TREML2: variants seen among roughly 807,000 people sequenced by gnomAD.
The protein encoded by TREML2 is triggering receptor expressed on myeloid cells like 2.
A neutral mutation model predicts 25.9 loss-of-function variants in TREML2; 24 were observed. That is an observed-to-expected ratio of 0.93 (90% CI 0.67 to 1.30). The LOEUF (loss-of-function observed/expected upper bound fraction) is 1.30, where lower values mean the gene tolerates loss of function less well. TREML2 is among the 50% of genes most tolerant of loss of function. The pLI is 0.00. For missense variants in TREML2, 359 were observed against 395.6 expected, an observed-to-expected ratio of 0.91 and a Z score of 0.78; for synonymous variants, 139 against 155.2, an observed-to-expected ratio of 0.90 and a Z score of 0.77.
At position 41,190,062 on chromosome 6, in the gene TREML2, G is replaced by T. The variant is rs998403160; in HGVS notation, c.*2365C>A. The stretch of plus-strand genomic sequence containing the variant: ...CACCTGTGTAGTCTGTCTTATCTAT[G>T]AGGCTGTGGGCATGTCTTAGGCAAG... On this transcript the variant is annotated 3_prime_UTR_variant, in exon 5 of 5. Transcript: ENST00000483722. 2.0e-5 allele frequency among the ~76,000 whole-genome samples: 3 copies of T among 152,124 alleles called. No individual in the cohort carries two copies. Among genetic ancestry groups the T allele is most frequent in the African/African-American group, 7.2e-5 (3 of 41,406 alleles).
Position 41,198,266 on chromosome 6 carries a change from T to C in TREML2, c.219A>G (p.Lys73=). 6.2e-7 allele frequency: 1 copy of C among 1,614,198 alleles called. No individual in the cohort carries two copies. Among genetic ancestry groups the C allele is most frequent in the Non-Finnish European group, 8.5e-7 (1 of 1,180,036 alleles). The change falls in exon 2 of 5, where the codon AAA becomes AAG. Residue 73 remains lysine, a synonymous_variant. Coordinates refer to ENST00000483722, the MANE Select transcript of TREML2 (RefSeq NM_024807.4). The part of the protein sequence containing the change: ...CEPGFARVWV[K]GPRYLLQDDA... The stretch of plus-strand genomic sequence containing the variant: ...CGTCCTGCAGCAAGTAGCGGGGCCC[T>C]TTCACCCAGACTCGGGCAAAGCCAG...
intron 1 of TREML2, among the ~76,000 whole-genome samples, chr6:41,200,165 C>T (rs1766250582): frequency 6.6e-6 from 1 of 152,172 alleles, no homozygotes; most frequent in African/African-American, 2.4e-5. Flanking sequence ...TCTAAGCATC[C>T]CTCTGTCCCT....
In TREML2 at chr6:41,194,843, A is replaced by G; in HGVS notation, c.377-10T>C. ...CTCTCAGTTTGGGGAGCTGAAAGAC[A>G]GAAAGGGAGGAACGTTAGATTGACT... On this transcript the variant is annotated splice_polypyrimidine_tract_variant and intron_variant, in intron 2 of 4. Transcript: ENST00000483722. 1.3e-6 allele frequency: 2 copies of G among 1,548,746 alleles called. No homozygotes were observed. Among genetic ancestry groups the G allele is most frequent in the Non-Finnish European group, 1.7e-6 (2 of 1,144,700 alleles).
intron 3 of TREML2, 97 bp from the exon 4 acceptor site, chr6:41,192,998 G>T (rs528947619): frequency 4.0e-6 from 4 of 997,128 alleles, no homozygotes; most frequent in Admixed American, 3.1e-5. Context: ...CTGAGAGCGT[G>T]CCCTTCCCGG....
chr6:41,193,497 G>T (rs574179900), intron 3 of TREML2, among the ~76,000 whole-genome samples: 1 of 151,970 alleles, frequency 6.6e-6, no homozygotes, highest in Non-Finnish European at 1.5e-5. Flanking sequence ...GACTCTCCCC[G>T]TTGGGATTAG....
Position 41,201,032 on chromosome 6 carries a change from C to T in TREML2, c.-24G>A. 6.2e-7 allele frequency: 1 copy of T among 1,611,632 alleles called. No individual in the cohort carries two copies. Among genetic ancestry groups the T allele is most frequent in the Non-Finnish European group, 8.5e-7 (1 of 1,178,718 alleles). Reference sequence around the variant, plus strand: ...ATGGTTCCATCCAGCTGGGCAGTGTCAGGCCTGGAGATCCAAGGTGAGGGC... The same window carrying T: ...ATGGTTCCATCCAGCTGGGCAGTGTTAGGCCTGGAGATCCAAGGTGAGGGC... On this transcript the variant is annotated 5_prime_UTR_variant, in exon 1 of 5. The change abolishes the stop of an existing upstream ORF in the 5' untranslated region. Coordinates refer to ENST00000483722, the MANE Select transcript of TREML2 (RefSeq NM_024807.4).
chr6:41,194,841 A>G lies in TREML2; in HGVS notation c.377-8T>C, dbSNP rs1461261300. On this transcript the variant is annotated splice_polypyrimidine_tract_variant and splice_region_variant and intron_variant, in intron 2 of 4. Transcript: ENST00000483722. ...TCCTCTCAGTTTGGGGAGCTGAAAG[A>G]CAGAAAGGGAGGAACGTTAGATTGA... The G allele has an allele frequency of 2.6e-6, 4 of 1,549,202 alleles. No individual in the cohort carries two copies. Among genetic ancestry groups the G allele is most frequent in the Non-Finnish European group, 2.6e-6 (3 of 1,144,950 alleles).
At chr6:41,197,038 T>G (rs886570931) in intron 2 of TREML2, among the ~76,000 whole-genome samples, 1 of 152,234 alleles carries the variant, frequency 6.6e-6, no homozygotes, top group Admixed American at 6.5e-5. Flanking sequence ...TGATTCCTCC[T>G]TTTGGCTCAC....
chr6:41,194,047 G>C (rs961399171), intron 3 of TREML2, among the ~76,000 whole-genome samples: 2 of 118,644 alleles, frequency 1.7e-5, no homozygotes, highest in South Asian at 5.9e-4. Context: ...CACCAACTCC[G>C]CTCCCCACTG....
chr6:41,198,697 G>T (rs969488890), intron 1 of TREML2, among the ~76,000 whole-genome samples: 1 of 152,172 alleles, frequency 6.6e-6, no homozygotes, highest in Non-Finnish European at 1.5e-5. Context: ...GAGGAGGCAG[G>T]TATATCCCTC....
At chr6:41,193,092 A>G (rs893098575) in intron 3 of TREML2, among the ~76,000 whole-genome samples, 191 bp from the exon 4 acceptor site, 1 of 152,186 alleles carries the variant, frequency 6.6e-6, no homozygotes, top group African/African-American at 2.4e-5. Flanking sequence ...GTCCCCAGGT[A>G]GAGGGGAACA....
Position 41,190,449 on chromosome 6 carries a change from G to A in TREML2, c.*1978C>T, listed in dbSNP as rs961064198. ...TAATGTTGGAAACAACATTAGAGCTGGAAAACAACTTAAGGAATAATGGTA... is the reference window on the plus strand; with the variant it reads ...TAATGTTGGAAACAACATTAGAGCTAGAAAACAACTTAAGGAATAATGGTA... On this transcript the variant is annotated 3_prime_UTR_variant, in exon 5 of 5. Coordinates refer to ENST00000483722, the MANE Select transcript of TREML2 (RefSeq NM_024807.4). 2.0e-5 allele frequency: 3 copies of A among 152,140 alleles called. No homozygotes were observed. The highest frequency in any genetic ancestry group is 4.4e-5 in the Non-Finnish European group (3 of 68,022). 9.4% of individuals were successfully genotyped at this position (152,140 alleles called of 1,614,324 possible).
rs1006718674 is a variant in TREML2, at chr6:41,194,565, G to A, written c.645C>T (p.Pro215=). ...CAGCAGAGGAGTCCCTGGCATTGCT[G>A]GGAGACGCGGTCACTGTCTGGGACC... ...TMGSQTVTAS[P]SNARDSSAGP... The change falls in exon 3 of 5, where the codon CCC becomes CCT. Residue 215 remains proline, a synonymous_variant. Coordinates refer to ENST00000483722, the MANE Select transcript of TREML2 (RefSeq NM_024807.4). 30 of 1,614,044 alleles carry A rather than the reference G, an allele frequency of 1.9e-5. No homozygotes were observed. The highest frequency in any genetic ancestry group is 2.5e-5 in the Non-Finnish European group (30 of 1,180,012).
chr6:41,194,011 TG>T (rs1270785474), intron 3 of TREML2, among the ~76,000 whole-genome samples: 1 of 137,112 alleles, frequency 7.3e-6, no homozygotes, highest in East Asian at 2.4e-4. Context: ...CCCTCCTCTC[TG>T]CTGACACTTC....
chr6:41,197,597 G>A (rs531051549), intron 2 of TREML2, among the ~76,000 whole-genome samples: 4 of 152,202 alleles, frequency 2.6e-5, no homozygotes, highest in South Asian at 2.1e-4. Context: ...CCACCGAGTC[G>A]CTTACTAGTT....
rs531115317 is a variant in TREML2 at position 41,192,159 on chromosome 6, G to C, written c.*268C>G. Reference sequence around the variant, plus strand: ...CAAGAGCCCTGGGGTCTGCAGCTCCGAGCAGAAACCACTGGTCACATTTCC... The same window carrying C: ...CAAGAGCCCTGGGGTCTGCAGCTCCCAGCAGAAACCACTGGTCACATTTCC... On this transcript the variant is annotated 3_prime_UTR_variant, in exon 5 of 5. Coordinates refer to ENST00000483722, the MANE Select transcript of TREML2 (RefSeq NM_024807.4). 8 of 471,376 alleles carry C rather than the reference G, an allele frequency of 1.7e-5. No homozygotes were observed. The highest frequency in any genetic ancestry group is 3.6e-5 in the East Asian group (1 of 27,894). 29.2% of individuals were successfully genotyped at this position (471,376 alleles called of 1,614,324 possible). A position where few individuals can be genotyped will look rare whatever the true frequency, so the allele number is the denominator to read the frequency against.
chr6:41,198,259 G>A lies in TREML2; in HGVS notation c.226C>T (p.Arg76Cys), dbSNP rs751644459. The A allele has an allele frequency of 2.5e-5, 41 of 1,614,092 alleles. No individual in the cohort carries two copies. The highest frequency in any genetic ancestry group is 1.6e-4 in the Middle Eastern group (1 of 6,084). ...TGGGCATCGTCCTGCAGCAAGTAGCGGGGCCCTTTCACCCAGACTCGGGCA... is the reference window on the plus strand; with the variant it reads ...TGGGCATCGTCCTGCAGCAAGTAGCAGGGCCCTTTCACCCAGACTCGGGCA... ...GFARVWVKGPRYLLQDDAQAK... is the reference protein window; with the variant it reads ...GFARVWVKGPCYLLQDDAQAK... Residue 76 changes from arginine to cysteine, a missense_variant, in exon 2 of 5, where the codon CGC becomes TGC. By Grantham distance (180) the Arg-to-Cys change is radical. Coordinates refer to ENST00000483722, the MANE Select transcript of TREML2 (RefSeq NM_024807.4).
At chr6:41,198,831 T>C (rs1220325449) in intron 1 of TREML2, among the ~76,000 whole-genome samples, 2 of 149,202 alleles carry the variant, frequency 1.3e-5, no homozygotes, top group Non-Finnish European at 3.0e-5. Context: ...CTTCAGGGAT[T>C]CCCAGGGAAT....
At chr6:41,192,637 G>T in intron 4 of TREML2, 131 bp from the exon 5 acceptor site, 1 of 1,172,018 alleles carries the variant, frequency 8.5e-7, no homozygotes, top group Non-Finnish European at 1.2e-6. Context: ...GGGTTGTGCT[G>T]GGTGGTCTCC....
Sources: gnomAD v4.1 joint callset for allele counts (sites outside exome capture counted in the v4.1 genomes callset) on GRCh38, gnomAD v4.1.1 for gene constraint, MANE v1.5 for transcripts, NCBI Gene and HGNC (gene_info 2026-07-23, HGNC 2026-07-21) for gene names.